The following SLC35F4 variants were observed in gnomAD, a reference collection of about 807,000 sequenced individuals.
The protein encoded by SLC35F4 is chromosome 14 open reading frame 36.
SLC35F4 carries 24 observed loss-of-function variants against 44.2 expected under a neutral mutation model. The observed-to-expected ratio is 0.54, with a 90% CI of 0.39 to 0.76. SLC35F4 has a LOEUF of 0.76. SLC35F4 is among the 30% of genes least tolerant of loss of function. The pLI, the probability that SLC35F4 is intolerant of heterozygous loss-of-function variation, is 0.00. For missense variants in SLC35F4, 562 were observed against 586.1 expected, an observed-to-expected ratio of 0.96 and a Z score of 0.42; for synonymous variants, 238 against 223.6, an observed-to-expected ratio of 1.06 and a Z score of -0.57.
At chr14:57,616,930 C>T (rs1041251591) in intron 1 of SLC35F4, among the ~76,000 whole-genome samples, 3 of 152,000 alleles carry the variant, frequency 2.0e-5, no homozygotes, top group African/African-American at 7.3e-5. Flanking sequence ...TTTCTCAAGT[C>T]CCCCTTCCTC....
At chr14:57,960,785 G>A (rs1890323597) in intron 1 of SLC35F4, among the ~76,000 whole-genome samples, 1 of 152,178 alleles carries the variant, frequency 6.6e-6, no homozygotes, top group Non-Finnish European at 1.5e-5. Context: ...ATTAGAGTGA[G>A]GACAGAGGCC....
intron 1 of SLC35F4, among the ~76,000 whole-genome samples, chr14:57,772,480 T>C (rs2077390215): frequency 6.6e-6 from 1 of 152,176 alleles, no homozygotes; most frequent in Non-Finnish European, 1.5e-5. Context: ...ACCCAAATAG[T>C]GAACATTGTA....
chr14:57,818,825 T>C (rs976977084), intron 1 of SLC35F4, among the ~76,000 whole-genome samples: 1 of 152,208 alleles, frequency 6.6e-6, no homozygotes, highest in African/African-American at 2.4e-5. Flanking sequence ...ATGTGGACTG[T>C]AGCTTGTTTC....
chr14:57,741,737 T>C (rs4442730), intron 1 of SLC35F4, among the ~76,000 whole-genome samples: 27,957 of 150,722 alleles, frequency 0.19, 2,896 homozygotes, highest in South Asian at 0.28. Context: ...ATACAGAGAA[T>C]GCAATGAGAA....
chr14:57,609,595 T>C (rs756863173), intron 1 of SLC35F4, among the ~76,000 whole-genome samples: 10 of 152,254 alleles, frequency 6.6e-5, no homozygotes, highest in Non-Finnish European at 1.3e-4. Context: ...TAATGTGCTG[T>C]TGCTGACAGT....
At chr14:57,883,922 C>T (rs1443812968) in intron 1 of SLC35F4, among the ~76,000 whole-genome samples, 2 of 151,898 alleles carry the variant, frequency 1.3e-5, no homozygotes, top group African/African-American at 2.4e-5. Flanking sequence ...TTTGATTGTC[C>T]GTGTTATTTA....
At chr14:57,674,260 G>T (rs2074615756) in intron 1 of SLC35F4, among the ~76,000 whole-genome samples, 1 of 152,036 alleles carries the variant, frequency 6.6e-6, no homozygotes. Context: ...CATACATATT[G>T]GTAGGAATAT....
intron 1 of SLC35F4, among the ~76,000 whole-genome samples, chr14:57,662,383 G>T (rs931769012): frequency 6.6e-6 from 1 of 152,150 alleles, no homozygotes; most frequent in Non-Finnish European, 1.5e-5. Context: ...TTGAGAGTTG[G>T]ACATTTAAGA....
At chr14:57,924,956 ATGTTGCCCCGGC>A (rs890810385) in intron 1 of SLC35F4, among the ~76,000 whole-genome samples, 1 of 151,712 alleles carries the variant, frequency 6.6e-6, no homozygotes, top group African/African-American at 2.4e-5. Flanking sequence ...AGGTATCACT[ATGTTGCCCCGGC>A]TGGTCTTGAA....
intron 1 of SLC35F4, among the ~76,000 whole-genome samples, chr14:57,623,376 C>T (rs1413704536): frequency 1.3e-5 from 2 of 152,144 alleles, no homozygotes; most frequent in African/African-American, 4.8e-5. Context: ...GACTTTAACA[C>T]CCCACTGTCA....
chr14:57,763,884 T>C lies in SLC35F4; in HGVS notation c.103+101839A>G, dbSNP rs78799216. The stretch of plus-strand genomic sequence containing the variant: ...AGTGTTATCTAATTAACCTACCCAT[T>C]AAACCTCAGCAGACTTTAGTGACTA... On this transcript the variant is annotated intron_variant, in intron 1 of 7. Transcript: ENST00000556826. 6.7e-3 allele frequency among the ~76,000 whole-genome samples: 1,021 copies of C among 152,300 alleles called. 14 individuals carry two copies. The highest frequency in any genetic ancestry group is 0.023 in the African/African-American group (963 of 41,554).
intron 1 of SLC35F4, among the ~76,000 whole-genome samples, chr14:57,951,796 T>C (rs1032783063): frequency 3.3e-5 from 5 of 152,168 alleles, no homozygotes; most frequent in Non-Finnish European, 5.9e-5. Flanking sequence ...CAGGGGCCTA[T>C]AGATAAAACT....
intron 1 of SLC35F4, among the ~76,000 whole-genome samples, chr14:57,888,368 T>C (rs1888695213): frequency 6.6e-6 from 1 of 152,312 alleles, no homozygotes; most frequent in Middle Eastern, 3.4e-3. Context: ...GAAATCCCCT[T>C]CCATGTTGGG....
intron 1 of SLC35F4, among the ~76,000 whole-genome samples, chr14:57,763,014 A>G (rs1408573273): frequency 6.6e-6 from 1 of 152,178 alleles, no homozygotes; most frequent in Non-Finnish European, 1.5e-5. Flanking sequence ...AAGTTTTACT[A>G]TTTACTTATA....
chr14:57,619,705 G>GTTTGACA, intron 1 of SLC35F4, among the ~76,000 whole-genome samples: 1 of 152,254 alleles, frequency 6.6e-6, no homozygotes, highest in East Asian at 1.9e-4. Flanking sequence ...CAAATGGACA[G>GTTTGACA]AAGTAGGCTT....
chr14:57,766,766 T>A (rs756816854), intron 1 of SLC35F4, among the ~76,000 whole-genome samples: 11 of 152,202 alleles, frequency 7.2e-5, no homozygotes, highest in Non-Finnish European at 1.5e-4. Context: ...TTAAAAGTGT[T>A]CAATAAAACA....
At chr14:57,764,040 AT>A (rs1333321963) in intron 1 of SLC35F4, among the ~76,000 whole-genome samples, 1 of 152,122 alleles carries the variant, frequency 6.6e-6, no homozygotes, top group Non-Finnish European at 1.5e-5. Flanking sequence ...TCCAGCCTCC[AT>A]TTCCTGAGAC....
chr14:57,983,006 G>A (rs576749713), upstream of SLC35F4, among the ~76,000 whole-genome samples: 2 of 152,286 alleles, frequency 1.3e-5, no homozygotes, highest in South Asian at 4.1e-4. Flanking sequence ...CTGTGGCTCC[G>A]CCCCCAGACG....
At chr14:57,799,409 T>C (rs1454789492) in intron 1 of SLC35F4, 1 of 152,326 alleles carries the variant, frequency 6.6e-6, no homozygotes, top group Non-Finnish European at 1.5e-5. Context: ...CTAGGAGTTT[T>C]ACCTGTTCTG....
Sources: allele counts gnomAD v4.1 joint callset (sites outside exome capture counted in the v4.1 genomes callset), GRCh38; gene constraint gnomAD v4.1.1; transcripts MANE v1.5; gene names NCBI Gene and HGNC (gene_info 2026-07-23, HGNC 2026-07-21).